Variants in HECW1 observed in about 807,000 individuals in gnomAD.
HECW1 encodes HECT, C2 and WW domain containing E3 ubiquitin protein ligase 1.
Under a neutral mutation model 182.3 loss-of-function variants are expected in HECW1, and 61 were observed. The observed-to-expected ratio is 0.33, with a 90% CI of 0.27 to 0.41. The LOEUF (loss-of-function observed/expected upper bound fraction) is 0.41. Ranked by LOEUF, HECW1 falls within the 10% of genes least tolerant of loss-of-function variation. The pLI, the probability that HECW1 is intolerant of heterozygous loss-of-function variation, is 1.00. For missense variants in HECW1, 1,739 were observed against 2,108.9 expected, an observed-to-expected ratio of 0.82 and a Z score of 3.44; for synonymous variants, 859 against 832.6, an observed-to-expected ratio of 1.03 and a Z score of -0.55.
chr7:43,291,282 T>C lies in HECW1; in HGVS notation c.28-20481T>C, dbSNP rs567543439. 2.6e-5 allele frequency among the ~76,000 whole-genome samples: 4 copies of C among 152,274 alleles called. No individual in the cohort carries two copies. The South Asian group carries it at 8.3e-4, about 31-fold the overall frequency. On this transcript the variant is annotated intron_variant, in intron 3 of 29. Transcript: ENST00000395891. ...ATCCTTTACGCATTTGGATCATCCT[T>C]ACTGCTGTGTCTTGCATCCATTGGC...
rs73326157 is a variant in HECW1 at position 43,365,202 on chromosome 7, G to A, written c.555+4222G>A. On this transcript the variant is annotated intron_variant, in intron 6 of 29. Transcript: ENST00000395891. ...CTGCAGTGCCGGAGACTCTGATGCA[G>A]TCTGAAGCTGTTGGTGTGAGCCAGG... Among the ~76,000 whole-genome samples the A allele has an allele frequency of 5.0e-3, 758 of 152,370 alleles. 5 individuals are homozygous for A. Among genetic ancestry groups the A allele is most frequent in the African/African-American group, 0.017 (722 of 41,586 alleles).
In HECW1 at chr7:43,540,078, A is replaced by T. The variant is rs567235483; in HGVS notation, c.4020-1085A>T. On this transcript the variant is annotated intron_variant, in intron 24 of 29. Transcript: ENST00000395891. Reference sequence around the variant, plus strand: ...TTATTTCATGGAAAAAGAATCAACTACTTCAAACATACCAATTTGAAGTGT... The same window carrying T: ...TTATTTCATGGAAAAAGAATCAACTTCTTCAAACATACCAATTTGAAGTGT... 2.0e-5 allele frequency among the ~76,000 whole-genome samples: 3 copies of T among 152,280 alleles called. No homozygotes were observed. The South Asian group carries it at 6.2e-4, about 32-fold the overall frequency.
chr7:43,485,024 A>G (rs1364153918), intron 17 of HECW1, among the ~76,000 whole-genome samples: 3 of 152,236 alleles, frequency 2.0e-5, no homozygotes, highest in African/African-American at 4.8e-5. Context: ...TAAGCAGAGC[A>G]CATAATTTTC....
chr7:43,257,759 A>G (rs1283707660), intron 3 of HECW1, among the ~76,000 whole-genome samples: 2 of 152,196 alleles, frequency 1.3e-5, no homozygotes, highest in Non-Finnish European at 2.9e-5. Flanking sequence ...TTAGGTTTGT[A>G]TCCATGTTTT....
At chr7:43,452,448 T>C (rs2077265280) in intron 12 of HECW1, among the ~76,000 whole-genome samples, 1 of 152,234 alleles carries the variant, frequency 6.6e-6, no homozygotes, top group African/African-American at 2.4e-5. Context: ...TTTCTATCCA[T>C]ATAACAGTGA....
intron 17 of HECW1, among the ~76,000 whole-genome samples, chr7:43,480,227 G>A (rs187216255): frequency 9.9e-5 from 15 of 152,236 alleles, no homozygotes; most frequent in African/African-American, 2.2e-4. Flanking sequence ...CACTCTATTC[G>A]CGCTCTACAA....
intron 13 of HECW1, among the ~76,000 whole-genome samples, chr7:43,460,175 G>C (rs1396702685): frequency 6.6e-6 from 1 of 152,208 alleles, no homozygotes; most frequent in Non-Finnish European, 1.5e-5. Context: ...TTAGGCCAAG[G>C]GAGATAAATG....
intron 2 of HECW1, among the ~76,000 whole-genome samples, chr7:43,129,697 G>A (rs1786688771): frequency 6.6e-6 from 1 of 152,182 alleles, no homozygotes; most frequent in African/African-American, 2.4e-5. Context: ...AACCACTGGT[G>A]TCTTAATTTC....
intron 2 of HECW1, among the ~76,000 whole-genome samples, chr7:43,228,635 C>T (rs954400575): frequency 3.9e-5 from 6 of 152,192 alleles, no homozygotes; most frequent in African/African-American, 1.4e-4. Flanking sequence ...CAGCTATGCT[C>T]ATTCAGGCCA....
At chr7:43,310,258 G>A (rs973641241) in intron 3 of HECW1, among the ~76,000 whole-genome samples, 1 of 152,136 alleles carries the variant, frequency 6.6e-6, no homozygotes, top group African/African-American at 2.4e-5. Context: ...TCCCTGAACT[G>A]CCCAGAATAG....
At chr7:43,453,816 A>G (rs2077312502) in intron 12 of HECW1, among the ~76,000 whole-genome samples, 1 of 152,216 alleles carries the variant, frequency 6.6e-6, no homozygotes, top group Non-Finnish European at 1.5e-5. Context: ...AGACAAACCC[A>G]TGGCATCACA....
rs71011918 is a variant in HECW1, at chr7:43,457,774, CA to C, written c.2651+1340del. ...TGGGAGACAGAGTAAGACTCCATCT[CA>C]AAAAAAAAAAAACAAACAAAAAACA... On this transcript the variant is annotated intron_variant, in intron 13 of 29. Coordinates refer to ENST00000395891, the MANE Select transcript of HECW1 (RefSeq NM_015052.5). 3.5e-3 allele frequency among the ~76,000 whole-genome samples: 393 copies of C among 112,240 alleles called. 1 individual carries two copies. Among genetic ancestry groups the C allele is most frequent in the African/African-American group, 9.9e-3 (296 of 29,958 alleles). 73.6% of individuals were successfully genotyped at this position (112,240 alleles called of 152,430 possible).
At position 43,291,118 on chromosome 7, in the gene HECW1, C is replaced by T. The variant is rs74878644; in HGVS notation, c.28-20645C>T. 9.6e-3 allele frequency among the ~76,000 whole-genome samples: 1,462 copies of T among 152,320 alleles called. 28 individuals are homozygous for T. The highest frequency in any genetic ancestry group is 0.033 in the African/African-American group (1,374 of 41,574). The stretch of plus-strand genomic sequence containing the variant: ...TTATTTAGAAACAGAATGCTTGTTC[C>T]GTGGTGCTGCAAAGAAATAGCACTC... On this transcript the variant is annotated intron_variant, in intron 3 of 29. Transcript: ENST00000395891.
chr7:43,503,075 C>T (rs772850983), intron 21 of HECW1, among the ~76,000 whole-genome samples: 7 of 152,100 alleles, frequency 4.6e-5, no homozygotes, highest in Non-Finnish European at 1.0e-4. Context: ...TAGTTGTGCT[C>T]GTCGTTAAAA....
At chr7:43,167,499 A>AG (rs1396974299) in intron 2 of HECW1, among the ~76,000 whole-genome samples, 1 of 152,098 alleles carries the variant, frequency 6.6e-6, no homozygotes, top group African/African-American at 2.4e-5. Flanking sequence ...AGATGGAGGG[A>AG]GGTTGGAAGA....
chr7:43,320,354 G>T (rs1347682988), intron 4 of HECW1, among the ~76,000 whole-genome samples: 1 of 152,202 alleles, frequency 6.6e-6, no homozygotes, highest in African/African-American at 2.4e-5. Context: ...AGTGAACCGC[G>T]ATAGCAGTAA....
At chr7:43,130,675 C>T (rs561039591) in intron 2 of HECW1, among the ~76,000 whole-genome samples, 1 of 152,318 alleles carries the variant, frequency 6.6e-6, no homozygotes, top group South Asian at 2.1e-4. Context: ...CCTGTATCAG[C>T]TGTTAGACAA....
chr7:43,297,270 T>C (rs563964741), intron 3 of HECW1, among the ~76,000 whole-genome samples: 30 of 152,348 alleles, frequency 2.0e-4, no homozygotes, highest in Non-Finnish European at 3.7e-4. Context: ...CACATTTCAG[T>C]CCTTAAGTTG....
At chr7:43,488,472 G>GAA (rs1165505319) in intron 17 of HECW1, among the ~76,000 whole-genome samples, 6 of 146,692 alleles carry the variant, frequency 4.1e-5, no homozygotes, top group East Asian at 4.0e-4. Flanking sequence ...AAGAAAGAAA[G>GAA]AAAGAAAGAA....
Sources: gnomAD v4.1 joint callset for allele counts (sites outside exome capture counted in the v4.1 genomes callset) on GRCh38, gnomAD v4.1.1 for gene constraint, MANE v1.5 for transcripts, NCBI Gene and HGNC (gene_info 2026-07-23, HGNC 2026-07-21) for gene names.